DSCAML1: variants seen among roughly 807,000 people sequenced by gnomAD.
DSCAML1 encodes cell adhesion molecule DSCAML1.
In DSCAML1, 38 loss-of-function variants were observed where a neutral mutation model predicts 200.5. The ratio of observed to expected loss-of-function variants is 0.19; its 90% confidence interval spans 0.15 to 0.25. The LOEUF is 0.25. Among genes scored for constraint, DSCAML1 ranks in the 10% least tolerant of loss-of-function variants. The pLI is 1.00. For synonymous variants in DSCAML1, 1,215 were observed against 1,165.0 expected, an observed-to-expected ratio of 1.04 and a Z score of -0.87; for missense variants, 2,223 against 2,858.8, an observed-to-expected ratio of 0.78 and a Z score of 5.07.
rs912872251 is a variant in DSCAML1 at position 117,504,313 on chromosome 11, G to A, written c.2183-292C>T. Among the ~76,000 whole-genome samples the A allele has an allele frequency of 5.3e-5, 8 of 152,124 alleles. No individual in the cohort carries two copies. Among genetic ancestry groups the A allele is most frequent in the Non-Finnish European group, 1.2e-4 (8 of 68,028 alleles). On this transcript the variant is annotated intron_variant, in intron 10 of 32. Transcript: ENST00000651296. This position sits in a 1 kb window ranked among gnomAD's most constrained non-coding sequence, Gnocchi z 5.0. Reference sequence around the variant, plus strand: ...GCTTCTTTGGGGTAAATTCCTTGGAGAGGAAGAAAGAGCTGTGTTTGGCCA... The same window carrying A: ...GCTTCTTTGGGGTAAATTCCTTGGAAAGGAAGAAAGAGCTGTGTTTGGCCA...
chr11:117,772,379 G>A (rs1167437284), intron 3 of DSCAML1, among the ~76,000 whole-genome samples: 2 of 152,084 alleles, frequency 1.3e-5, no homozygotes, highest in African/African-American at 2.4e-5. Flanking sequence ...GTCCTTGCCC[G>A]TGTCTCCCTA....
intron 3 of DSCAML1, among the ~76,000 whole-genome samples, chr11:117,568,176 C>T (rs897704519): frequency 6.6e-6 from 1 of 152,208 alleles, no homozygotes; most frequent in Non-Finnish European, 1.5e-5. Flanking sequence ...TTCAACAACC[C>T]TTCCTGCTAA....
intron 3 of DSCAML1, among the ~76,000 whole-genome samples, chr11:117,656,008 G>A (rs776934821): frequency 1.1e-4 from 16 of 152,236 alleles, no homozygotes; most frequent in Non-Finnish European, 1.3e-4. Flanking sequence ...TTGGGAGGCC[G>A]AGGCGGGCAG....
chr11:117,461,396 C>G lies in DSCAML1; in HGVS notation c.3412+54G>C. ...CTCTAACTACGCCTGGAAGCAGACT[C>G]CACTGACCTGCGCCTCTCCCCTGAG... is the stretch of plus-strand genomic sequence containing the variant. On this transcript the variant is annotated intron_variant, in intron 18 of 32. Coordinates refer to ENST00000651296, the MANE Select transcript of DSCAML1 (RefSeq NM_020693.4). 3 of 1,611,380 alleles carry G rather than the reference C, an allele frequency of 1.9e-6. No homozygotes were observed. In the South Asian group the frequency reaches 3.3e-5, roughly 18 times the overall value.
intron 3 of DSCAML1, among the ~76,000 whole-genome samples, chr11:117,718,790 C>T (rs1168680610): frequency 6.6e-6 from 1 of 150,854 alleles, no homozygotes. Context: ...GTGGAAATTA[C>T]AATGATGATT....
intron 3 of DSCAML1, among the ~76,000 whole-genome samples, chr11:117,697,647 A>T (rs2053606689): frequency 6.6e-6 from 1 of 152,026 alleles, no homozygotes; most frequent in African/African-American, 2.4e-5. Context: ...TGTCTCTAGG[A>T]ATTTGAGTAC....
intron 3 of DSCAML1, among the ~76,000 whole-genome samples, chr11:117,549,408 G>A (rs889422342): frequency 3.3e-5 from 5 of 152,224 alleles, no homozygotes; most frequent in East Asian, 1.9e-4. Context: ...TTGAATGAGC[G>A]CATGAATCTT....
chr11:117,664,249 G>A (rs1021638627), intron 3 of DSCAML1, among the ~76,000 whole-genome samples: 1 of 152,270 alleles, frequency 6.6e-6, no homozygotes, highest in African/African-American at 2.4e-5. Flanking sequence ...GGCCGTGGTA[G>A]GCAATTAGCC....
chr11:117,427,947 A>C lies in DSCAML1; in HGVS notation c.*381T>G. On this transcript the variant is annotated 3_prime_UTR_variant, in exon 33 of 33. Transcript: ENST00000651296. ...GTCAAAACCACCTAGACTGGGGGGAAGGTGAGGAGGAGGGAAAAAAATTGC... is the reference window on the plus strand; with the variant it reads ...GTCAAAACCACCTAGACTGGGGGGACGGTGAGGAGGAGGGAAAAAAATTGC... 6.3e-6 allele frequency: 1 copy of C among 158,802 alleles called. No individual in the cohort carries two copies. The highest frequency in any genetic ancestry group is 1.4e-5 in the Non-Finnish European group (1 of 72,360). 9.8% of individuals were successfully genotyped at this position (158,802 alleles called of 1,614,324 possible).
intron 3 of DSCAML1, among the ~76,000 whole-genome samples, chr11:117,748,113 C>T (rs1255495680): frequency 6.6e-6 from 1 of 152,184 alleles, no homozygotes; most frequent in Non-Finnish European, 1.5e-5. Context: ...GAGCTTATTG[C>T]CTCCTACACA....
chr11:117,535,330 C>T (rs2050146743), intron 3 of DSCAML1, among the ~76,000 whole-genome samples: 1 of 152,214 alleles, frequency 6.6e-6, no homozygotes, highest in Admixed American at 6.5e-5. Flanking sequence ...TCCCATTGAT[C>T]CCGGTTGAGC....
At chr11:117,598,151 T>C (rs2051398086) in intron 3 of DSCAML1, among the ~76,000 whole-genome samples, 1 of 152,184 alleles carries the variant, frequency 6.6e-6, no homozygotes, top group Admixed American at 6.5e-5. Context: ...CTCTCCTCCC[T>C]CCCTTCTCCT....
chr11:117,756,769 G>A (rs2054701247), intron 3 of DSCAML1, among the ~76,000 whole-genome samples: 2 of 152,046 alleles, frequency 1.3e-5, no homozygotes, highest in Non-Finnish European at 2.9e-5. Context: ...AGCACGTTCA[G>A]ACCAAGGAGG....
chr11:117,748,840 C>T, intron 3 of DSCAML1, among the ~76,000 whole-genome samples: 1 of 152,158 alleles, frequency 6.6e-6, no homozygotes, highest in East Asian at 1.9e-4. Context: ...TGGCTGACTC[C>T]CAGGGAGGGA....
At chr11:117,575,968 G>T (rs2050927237) in intron 3 of DSCAML1, among the ~76,000 whole-genome samples, 1 of 152,214 alleles carries the variant, frequency 6.6e-6, no homozygotes, top group Non-Finnish European at 1.5e-5. Flanking sequence ...GAATAGAGAG[G>T]ATGCAGAGGG....
intron 3 of DSCAML1, among the ~76,000 whole-genome samples, chr11:117,694,076 T>TATATATATATATATATATATATATATAC (rs2053543267): frequency 2.7e-5 from 2 of 72,868 alleles, no homozygotes; most frequent in Non-Finnish European, 5.6e-5. Context: ...TATATATATA[T>TATATATATATATATATATATATATATAC]ATACACATAT....
At chr11:117,517,114 T>G (rs2049785970) in intron 7 of DSCAML1, among the ~76,000 whole-genome samples, 1 of 152,134 alleles carries the variant, frequency 6.6e-6, no homozygotes, top group Non-Finnish European at 1.5e-5. Flanking sequence ...ATTAAGATTT[T>G]GGGATTAAAG....
intron 3 of DSCAML1, among the ~76,000 whole-genome samples, chr11:117,741,853 A>C (rs2137842147): frequency 6.6e-6 from 1 of 152,326 alleles, no homozygotes; most frequent in South Asian, 2.1e-4. Context: ...CACAAGCTCC[A>C]TACCACAGGC....
At chr11:117,571,772 C>A (rs1337879260) in intron 3 of DSCAML1, among the ~76,000 whole-genome samples, 1 of 152,144 alleles carries the variant, frequency 6.6e-6, no homozygotes, top group Admixed American at 6.5e-5. Context: ...GGGCTGCATT[C>A]CCAGACGGCT....
Sources: allele counts gnomAD v4.1 joint callset (sites outside exome capture counted in the v4.1 genomes callset), GRCh38; gene constraint gnomAD v4.1.1; non-coding constraint Gnocchi (gnomAD v3.1); transcripts MANE v1.5; gene names NCBI Gene and HGNC (gene_info 2026-07-23, HGNC 2026-07-21).